Variants in UTRN observed in about 807,000 individuals in gnomAD.
The protein encoded by UTRN is utrophin.
In UTRN, 283 loss-of-function variants were observed where a neutral mutation model predicts 463.9. The observed-to-expected ratio is 0.61, with a 90% confidence interval of 0.55 to 0.67. The LOEUF is 0.67. Ranked by LOEUF, UTRN falls within the 30% of genes least tolerant of loss-of-function variation. The pLI, the probability that UTRN is intolerant of heterozygous loss-of-function variation, is 0.00. For synonymous variants in UTRN, 1,442 were observed against 1,431.5 expected (o/e 1.01, Z -0.17); for missense variants, 3,922 against 4,084.3 (o/e 0.96, Z 1.08).
At chr6:144,823,318 T>C (rs910041006) in intron 66 of UTRN, among the ~76,000 whole-genome samples, 1 of 152,142 alleles carries the variant, frequency 6.6e-6, no homozygotes, top group African/African-American at 2.4e-5. Context: ...CGGGATTTGA[T>C]ATAGTTCACT....
intron 52 of UTRN, among the ~76,000 whole-genome samples, chr6:144,693,567 T>G (rs1017985302): frequency 1.3e-5 from 2 of 152,226 alleles, no homozygotes; most frequent in Non-Finnish European, 2.9e-5. Context: ...CTGATTTTTT[T>G]GGGCAGTGTT....
chr6:144,299,600 C>G (rs1477669476), intron 2 of UTRN, among the ~76,000 whole-genome samples: 2 of 152,072 alleles, frequency 1.3e-5, no homozygotes, highest in Admixed American at 6.5e-5. Context: ...TATTTCTCCA[C>G]TGCGCTCCTT....
rs746271085 is a variant in UTRN at position 144,513,995 on chromosome 6, A to C, written c.5031A>C (p.Glu1677Asp). ...WLYQAEALLD[E>D]IEKKPTSKQE... ...ATCAAGCTGAAGCTCTATTGGATGA[A>C]ATTGAAAAGAAACCAACAAGTAAAC... Residue 1677 changes from glutamate (E) to aspartate (D), a missense_variant, in exon 36 of 75, where the codon GAA becomes GAC. Transcript: ENST00000367545. The C allele has an allele frequency of 6.2e-7, 1 of 1,614,026 alleles. No homozygotes were observed. The highest frequency in any genetic ancestry group is 2.2e-5 in the East Asian group (1 of 44,844).
intron 12 of UTRN, among the ~76,000 whole-genome samples, chr6:144,440,131 C>T (rs939881299): frequency 5.9e-5 from 9 of 152,146 alleles, no homozygotes; most frequent in Non-Finnish European, 1.5e-5. Flanking sequence ...TCTCCATTTG[C>T]AGTCTGTTAT....
intron 58 of UTRN, among the ~76,000 whole-genome samples, chr6:144,759,472 A>G (rs1481561375): frequency 6.6e-6 from 1 of 152,108 alleles, no homozygotes; most frequent in Non-Finnish European, 1.5e-5. Context: ...TGGTAGGCAA[A>G]ATAATAACTG....
chr6:144,781,099 G>A (rs764743674), intron 60 of UTRN, among the ~76,000 whole-genome samples: 2 of 152,132 alleles, frequency 1.3e-5, no homozygotes, highest in African/African-American at 2.4e-5. Context: ...CACCTCCTGT[G>A]CACACCCTCC....
chr6:144,786,326 G>T (rs778264723), intron 61 of UTRN, among the ~76,000 whole-genome samples: 17 of 152,016 alleles, frequency 1.1e-4, no homozygotes, highest in African/African-American at 4.1e-4. Flanking sequence ...TCACTCTGTC[G>T]CCAGGCTGGA....
intron 52 of UTRN, among the ~76,000 whole-genome samples, chr6:144,681,262 A>G (rs960046335): frequency 6.6e-6 from 1 of 152,180 alleles, no homozygotes; most frequent in African/African-American, 2.4e-5. Flanking sequence ...GTCCAGAGAC[A>G]GGTGGCAGGT....
intron 50 of UTRN, among the ~76,000 whole-genome samples, chr6:144,564,332 A>G (rs1054965935): frequency 7.2e-5 from 11 of 152,212 alleles, no homozygotes; most frequent in Non-Finnish European, 1.3e-4. Flanking sequence ...AACCATCTGA[A>G]GAAAATTACA....
At chr6:144,640,977 T>A (rs1777702399) in intron 51 of UTRN, among the ~76,000 whole-genome samples, 1 of 152,152 alleles carries the variant, frequency 6.6e-6, no homozygotes, top group Admixed American at 6.5e-5. Flanking sequence ...GAAGATCAGT[T>A]ATTAGTAGTA....
chr6:144,512,554 C>T (rs1277876309), intron 35 of UTRN, among the ~76,000 whole-genome samples: 1 of 150,506 alleles, frequency 6.6e-6, no homozygotes, highest in African/African-American at 2.4e-5. Flanking sequence ...TTTATTTGTT[C>T]ACTTTTTTTT....
At position 144,638,559 on chromosome 6, in the gene UTRN, C is replaced by A. The variant is rs10499232; in HGVS notation, c.7480-39847C>A. Among the ~76,000 whole-genome samples, 7,405 of 152,202 alleles carry A rather than the reference C, an allele frequency of 0.049. 807 individuals are homozygous for A. The East Asian group carries it at 0.52, about 11-fold the overall frequency. ...AGGTCTGTCATAGTTCTGTCTTTGT[C>A]ACTGTATGTAGAATTTCATAGTGAT... On this transcript the variant is annotated intron_variant, in intron 51 of 74. Coordinates refer to ENST00000367545, the MANE Select transcript of UTRN (RefSeq NM_007124.3).
chr6:144,496,485 G>C (rs1026352179), intron 33 of UTRN, among the ~76,000 whole-genome samples: 11 of 152,074 alleles, frequency 7.2e-5, no homozygotes, highest in African/African-American at 2.4e-4. Context: ...TTCACTGACT[G>C]GGCATTTTAT....
rs144208938 is a variant in UTRN, at chr6:144,560,467, G to T, written c.7289+3156G>T. On this transcript the variant is annotated intron_variant, in intron 50 of 74. Transcript: ENST00000367545. The stretch of plus-strand genomic sequence containing the variant: ...CTCCAGTACGTGGCCATCACACCCC[G>T]TCTAATGGCTGCTGAGAGGCCTTTT... Among the ~76,000 whole-genome samples the T allele has an allele frequency of 4.0e-3, 604 of 152,106 alleles. 5 individuals are homozygous for T. Among genetic ancestry groups the T allele is most frequent in the African/African-American group, 0.012 (518 of 41,506 alleles).
intron 1 of UTRN, among the ~76,000 whole-genome samples, chr6:144,290,427 A>G (rs1299353591): frequency 6.6e-6 from 1 of 152,226 alleles, no homozygotes; most frequent in Non-Finnish European, 1.5e-5. Flanking sequence ...AACTAGCCAC[A>G]GTCTAGATTT....
At chr6:144,389,288 G>GGT (rs1781695506) in intron 2 of UTRN, among the ~76,000 whole-genome samples, 1 of 152,150 alleles carries the variant, frequency 6.6e-6, no homozygotes, top group Non-Finnish European at 1.5e-5. Flanking sequence ...CGAGCAGAGG[G>GGT]GTGACTGAAT....
intron 32 of UTRN, among the ~76,000 whole-genome samples, chr6:144,492,423 G>A (rs1793157816): frequency 6.6e-6 from 1 of 152,122 alleles, no homozygotes; most frequent in Non-Finnish European, 1.5e-5. Flanking sequence ...TTCCCCCATT[G>A]ATGGGCACCT....
intron 51 of UTRN, among the ~76,000 whole-genome samples, chr6:144,581,282 G>A (rs940524956): frequency 1.3e-5 from 2 of 152,134 alleles, no homozygotes; most frequent in African/African-American, 4.8e-5. Flanking sequence ...TATTCTTAAT[G>A]TGCATGTTCA....
intron 47 of UTRN, among the ~76,000 whole-genome samples, chr6:144,549,680 T>A (rs1487169388): frequency 2.6e-5 from 4 of 152,186 alleles, no homozygotes; most frequent in Non-Finnish European, 5.9e-5. Context: ...TCTCCAGTGA[T>A]GGAAAGCAAA....
Sources: allele counts gnomAD v4.1 joint callset (sites outside exome capture counted in the v4.1 genomes callset), GRCh38; gene constraint gnomAD v4.1.1; transcripts MANE v1.5; gene names NCBI Gene and HGNC (gene_info 2026-07-23, HGNC 2026-07-21).